CKAP5: variants seen among roughly 807,000 people sequenced by gnomAD.
The protein encoded by CKAP5 is cytoskeleton associated protein 5.
In CKAP5, 27 loss-of-function variants were observed where a neutral mutation model predicts 232.8. The ratio of observed to expected loss-of-function variants is 0.12; its 90% CI spans 0.09 to 0.16. CKAP5 has a LOEUF of 0.16. CKAP5 is among the 10% of genes least tolerant of loss of function. The pLI, the probability that CKAP5 is intolerant of heterozygous loss-of-function variation, is 1.00. For missense variants in CKAP5, 1,838 were observed against 2,424.7 expected, an observed-to-expected ratio of 0.76 and a Z score of 5.08; for synonymous variants, 785 against 841.1, an observed-to-expected ratio of 0.93 and a Z score of 1.16.
intron 1 of CKAP5, among the ~76,000 whole-genome samples, 171 bp downstream of exon 1, chr11:46,846,049 C>T (rs1940182656): frequency 6.6e-6 from 1 of 152,064 alleles, no homozygotes; most frequent in Admixed American, 6.5e-5. Flanking sequence ...CTGCCCGCCG[C>T]AGGTCCCCCG....
At chr11:46,800,712 C>T (rs1019067641) in intron 9 of CKAP5, among the ~76,000 whole-genome samples, 5 of 151,944 alleles carry the variant, frequency 3.3e-5, no homozygotes, top group Admixed American at 3.3e-4. Context: ...AACATTGTAA[C>T]CTATATAAAA....
chr11:46,790,684 C>T (rs929163987), intron 13 of CKAP5, 101 bp from the exon 14 acceptor site: 82 of 761,354 alleles, frequency 1.1e-4, no homozygotes, highest in Admixed American at 1.7e-4. Context: ...ATATTGTTGT[C>T]GAGCCTGGAA....
At chr11:46,789,093 G>C (rs976393017) in intron 15 of CKAP5, among the ~76,000 whole-genome samples, 3 of 152,156 alleles carry the variant, frequency 2.0e-5, no homozygotes, top group African/African-American at 7.2e-5. Flanking sequence ...CCTAGTGTGT[G>C]GCAGAAACTG....
At chr11:46,827,712 T>C (rs1939687334) in intron 1 of CKAP5, among the ~76,000 whole-genome samples, 1 of 152,232 alleles carries the variant, frequency 6.6e-6, no homozygotes, top group Non-Finnish European at 1.5e-5. Flanking sequence ...TAAATAAATG[T>C]ACAAGTCTAT....
At position 46,762,536 on chromosome 11, in the gene CKAP5, C is replaced by G. The variant is rs753660271; in HGVS notation, c.4027+91G>C. The G allele has an allele frequency of 2.0e-6, 3 of 1,481,026 alleles. No homozygotes were observed. The South Asian group carries it at 3.4e-5, about 17-fold the overall frequency. 91.7% of individuals were successfully genotyped at this position (1,481,026 alleles called of 1,614,324 possible). On this transcript the variant is annotated intron_variant, in intron 31 of 43. Transcript: ENST00000529230. The stretch of plus-strand genomic sequence containing the variant: ...GAGGTTGGAATCAACTACATAGGCA[C>G]TGGAGAAATTTATTTGTTCATCTAT...
intron 11 of CKAP5, among the ~76,000 whole-genome samples, chr11:46,797,257 C>T (rs1938899169): frequency 6.6e-6 from 1 of 152,068 alleles, no homozygotes; most frequent in Non-Finnish European, 1.5e-5. Context: ...ATCCCAGCTA[C>T]TCAGGAGGCT....
intron 1 of CKAP5, among the ~76,000 whole-genome samples, chr11:46,822,741 C>CAAAAAAAAA (rs57170422): frequency 1.0e-4 from 8 of 77,816 alleles, no homozygotes; most frequent in East Asian, 7.5e-4. Flanking sequence ...GACTCCGTCC[C>CAAAAAAAAA]AAAAAAAAAA....
intron 8 of CKAP5, among the ~76,000 whole-genome samples, chr11:46,803,646 C>T (rs191040809): frequency 4.8e-4 from 73 of 152,276 alleles, no homozygotes; most frequent in Non-Finnish European, 7.5e-4. Context: ...GATTCAAACC[C>T]AGGTCAATTC....
At chr11:46,794,931 T>A (rs1938834172) in intron 13 of CKAP5, among the ~76,000 whole-genome samples, 1 of 152,176 alleles carries the variant, frequency 6.6e-6, no homozygotes, top group Non-Finnish European at 1.5e-5. Context: ...GTTAATTGAT[T>A]CATAGAGTTT....
chr11:46,801,347 T>C (rs1472189634), intron 8 of CKAP5, 43 bp from the exon 9 acceptor site: 1 of 1,406,084 alleles, frequency 7.1e-7, no homozygotes, highest in Non-Finnish European at 1.0e-6. Flanking sequence ...GTCACAGCCA[T>C]GTAGAAGGGT....
At chr11:46,829,423 T>C (rs1430617741) in intron 1 of CKAP5, among the ~76,000 whole-genome samples, 1 of 152,200 alleles carries the variant, frequency 6.6e-6, no homozygotes, top group Non-Finnish European at 1.5e-5. Flanking sequence ...ACATGCCTGT[T>C]AGTCCCAGCT....
rs756595178 is a variant in CKAP5 at position 46,751,268 on chromosome 11, C to T, written c.5323-13G>A. On this transcript the variant is annotated splice_polypyrimidine_tract_variant and intron_variant, in intron 39 of 43. Coordinates refer to ENST00000529230, the MANE Select transcript of CKAP5 (RefSeq NM_001008938.4). ...GGTGGTCCAGGATCTGAGGGAGACA[C>T]ATGCATGACTGATAGCACTGCCATT... The T allele has an allele frequency of 1.9e-6, 3 of 1,614,182 alleles. No individual in the cohort carries two copies. Among genetic ancestry groups the T allele is most frequent in the Non-Finnish European group, 1.7e-6 (2 of 1,180,030 alleles).
chr11:46,758,863 T>C lies in CKAP5; in HGVS notation c.4689+60A>G, dbSNP rs2065132395. Reference sequence around the variant, plus strand: ...TATGACTCTGCGAGTGTGCAATTCATCACATTTATAGCCTCTATGTCCACC... The same window carrying C: ...TATGACTCTGCGAGTGTGCAATTCACCACATTTATAGCCTCTATGTCCACC... On this transcript the variant is annotated intron_variant, in intron 35 of 43. Coordinates refer to ENST00000529230, the MANE Select transcript of CKAP5 (RefSeq NM_001008938.4). 9 of 1,589,234 alleles carry C rather than the reference T, an allele frequency of 5.7e-6. No individual in the cohort carries two copies. The South Asian group carries it at 9.1e-5, about 16-fold the overall frequency.
In CKAP5 at chr11:46,758,247, C is replaced by T. The variant is rs149530181; in HGVS notation, c.4689+676G>A. Among the ~76,000 whole-genome samples, 117 of 152,260 alleles carry T rather than the reference C, an allele frequency of 7.7e-4. No homozygotes were observed. In the Middle Eastern group the frequency reaches 0.02, roughly 27 times the overall value. On this transcript the variant is annotated intron_variant, in intron 35 of 43. Transcript: ENST00000529230. Reference sequence around the variant, plus strand: ...CCTTCTCTTATTTCCTTGAACTTCACGCTCATTTCTGCCCTAAGGCCTTTG... The same window carrying T: ...CCTTCTCTTATTTCCTTGAACTTCATGCTCATTTCTGCCCTAAGGCCTTTG...
intron 13 of CKAP5, among the ~76,000 whole-genome samples, chr11:46,791,734 T>C (rs981873189): frequency 6.6e-6 from 1 of 152,096 alleles, no homozygotes; most frequent in African/African-American, 2.4e-5. Flanking sequence ...AAGCAGAATA[T>C]GTACGGGGGA....
intron 28 of CKAP5, 142 bp from the exon 29 acceptor site, chr11:46,763,772 T>G (rs1185972548): frequency 3.8e-6 from 2 of 528,764 alleles, no homozygotes; most frequent in Non-Finnish European, 6.1e-6. Context: ...GAATGCAAAT[T>G]TCAAGGTGTC....
At chr11:46,799,085 G>A (rs765869154) in intron 9 of CKAP5, among the ~76,000 whole-genome samples, 15 of 152,090 alleles carry the variant, frequency 9.9e-5, no homozygotes, top group Non-Finnish European at 1.9e-4. Flanking sequence ...CTGAAGCCTC[G>A]GCCTCCTGGG....
rs2065021116 is a variant in CKAP5, at chr11:46,746,266, T to C, written c.5705-1689A>G. On this transcript the variant is annotated intron_variant, in intron 42 of 43. Transcript: ENST00000529230. ...TTGGTTTAAGGCTCATGATAGCTAT[T>C]TTCTATAACTGAAACCTCCTAAGTC... Among the ~76,000 whole-genome samples, 2 of 152,168 alleles carry C rather than the reference T, an allele frequency of 1.3e-5. 1 individual carries two copies. The highest frequency in any genetic ancestry group is 4.1e-4 in the South Asian group (2 of 4,828).
chr11:46,823,441 G>C (rs188112703), intron 1 of CKAP5, among the ~76,000 whole-genome samples: 6 of 151,700 alleles, frequency 4.0e-5, no homozygotes, highest in African/African-American at 1.5e-4. Context: ...AAAAAGACAG[G>C]CATAATCCCC....
Sources: allele counts gnomAD v4.1 joint callset (sites outside exome capture counted in the v4.1 genomes callset), GRCh38; gene constraint gnomAD v4.1.1; transcripts MANE v1.5; gene names NCBI Gene and HGNC (gene_info 2026-07-23, HGNC 2026-07-21).